Variants in MYH2 observed in about 807,000 individuals in gnomAD.
The protein encoded by MYH2 is myosin heavy chain 2, also known as myosin-2.
A neutral mutation model predicts 228.1 loss-of-function variants in MYH2; 139 were observed. That is an observed-to-expected ratio of 0.61 (90% CI 0.53 to 0.70). The LOEUF (loss-of-function observed/expected upper bound fraction) is 0.70, where lower values mean the gene tolerates loss of function less well. Ranked by LOEUF, MYH2 falls within the 30% of genes least tolerant of loss-of-function variation. MYH2 has a pLI of 0.00. For missense variants in MYH2, 1,809 were observed against 2,357.5 expected (o/e 0.77, Z 4.82); for synonymous variants, 796 against 871.1 (o/e 0.91, Z 1.52).
rs1386088895 is a variant in MYH2 at position 10,538,828 on chromosome 17, T to C, written c.1416+377A>G. On this transcript the variant is annotated intron_variant, in intron 14 of 39. Transcript: ENST00000245503. ...GAAAAATATATTTCGTAATCAAATA[T>C]GAATTTTTATTTCATGATATCACAC... Among the ~76,000 whole-genome samples the C allele has an allele frequency of 3.9e-5, 6 of 152,286 alleles. No homozygotes were observed. The East Asian group carries it at 1.2e-3, about 29-fold the overall frequency.
chr17:10,547,781 A>G lies in MYH2; in HGVS notation c.140T>C (p.Phe47Ser). ...TCTGCTCTGGATGGTCCCTTTGACA[A>G]AGGATTCTTTGGGCTCCGCCACAAA... Reference protein sequence around the residue: ...SVFVAEPKESFVKGTIQSREG... With the variant: ...SVFVAEPKESSVKGTIQSREG... The change falls in exon 3 of 40, where the codon TTT becomes TCT. Residue 47 changes from phenylalanine (F) to serine (S), a missense_variant. Coordinates refer to ENST00000245503, the MANE Select transcript of MYH2 (RefSeq NM_017534.6). The G allele has an allele frequency of 6.2e-7, 1 of 1,614,148 alleles. No homozygotes were observed. Among genetic ancestry groups the G allele is most frequent in the East Asian group, 2.2e-5 (1 of 44,878 alleles).
rs1399019969 is a variant in MYH2, at chr17:10,537,399, C to T, written c.1731G>A (p.Glu577=). 1.2e-6 allele frequency: 2 copies of T among 1,614,056 alleles called. No homozygotes were observed. The highest frequency in any genetic ancestry group is 1.7e-6 in the Non-Finnish European group (2 of 1,180,044). The change falls in exon 16 of 40, where the codon GAG becomes GAA. Residue 577 remains glutamate, a synonymous_variant. Coordinates refer to ENST00000245503, the MANE Select transcript of MYH2 (RefSeq NM_017534.6). The surrounding 1 kb of genome is among the most constrained non-coding windows in gnomAD (Gnocchi z 4.0). The part of the protein sequence containing the change: ...QKPKVVKGKA[E]AHFALIHYAG... ...CATAGTGAATCAGAGCGAAGTGGGC[C>T]TCGGCCTTGCCTTTGACCACCTTGG...
chr17:10,548,077 G>A (rs1368404389), intron 2 of MYH2, 137 bp from the exon 3 acceptor site: 1 of 759,870 alleles, frequency 1.3e-6, no homozygotes, highest in Non-Finnish European at 2.2e-6. Context: ...TATAGTTACT[G>A]AGACAAACAT....
At position 10,540,485 on chromosome 17, in the gene MYH2, T is replaced by C. The variant is rs1011263399; in HGVS notation, c.1008+109A>G. On this transcript the variant is annotated intron_variant, in intron 11 of 39. Transcript: ENST00000245503. ...TTTGACTCCAAGGGGCATGTCCATT[T>C]GCATCCTGGAATCTTCTTTTGCCAT... 1.0e-5 allele frequency: 10 copies of C among 969,880 alleles called. No individual in the cohort carries two copies. The African/African-American group carries it at 1.3e-4, about 13-fold the overall frequency. 60.1% of individuals were successfully genotyped at this position (969,880 alleles called of 1,614,324 possible). A position where few individuals can be genotyped will look rare whatever the true frequency, so the allele number is the denominator to read the frequency against.
At chr17:10,536,476 T>G (rs2073483062) in intron 17 of MYH2, 54 bp downstream of exon 17, 1 of 1,469,744 alleles carries the variant, frequency 6.8e-7, no homozygotes, top group Non-Finnish European at 9.5e-7. Flanking sequence ...AACAGACCCA[T>G]GTAAAAAAAA....
chr17:10,524,690 G>A lies in MYH2; in HGVS notation c.4972-21C>T. On this transcript the variant is annotated intron_variant, in intron 34 of 39. Coordinates refer to ENST00000245503, the MANE Select transcript of MYH2 (RefSeq NM_017534.6). The surrounding 1 kb of genome is among the most constrained non-coding windows in gnomAD (Gnocchi z 4.7). ...GTATCCTGTGAAACAAACCATCATT[G>A]AGACATCATGTTCTCAGGGTTGCAG... 1 of 1,614,184 alleles carries A rather than the reference G, an allele frequency of 6.2e-7. No homozygotes were observed. The highest frequency in any genetic ancestry group is 8.5e-7 in the Non-Finnish European group (1 of 1,180,040).
At chr17:10,531,932 A>G (rs2073429670) in intron 21 of MYH2, 44 bp from the exon 22 acceptor site, 13 of 1,610,636 alleles carry the variant, frequency 8.1e-6, no homozygotes, top group African/African-American at 2.7e-5. Flanking sequence ...GGTTGATGCA[A>G]TGGGATGAAA....
intron 22 of MYH2, 75 bp downstream of exon 22, chr17:10,531,558 C>A: frequency 6.2e-7 from 1 of 1,601,286 alleles, no homozygotes; most frequent in Non-Finnish European, 8.6e-7. Context: ...AATTACCCAA[C>A]TCATGGCCCA....
intron 10 of MYH2, among the ~76,000 whole-genome samples, chr17:10,541,231 A>G (rs963509588): frequency 6.6e-6 from 1 of 152,244 alleles, no homozygotes; most frequent in Non-Finnish European, 1.5e-5. Context: ...GAACACAGCC[A>G]TATTTCTCTT....
chr17:10,524,528 T>C lies in MYH2; in HGVS notation c.5113A>G (p.Arg1705Gly), dbSNP rs141243548. Reference protein sequence around the residue: ...RATLEQTERSRKIAEQELLDA... With the variant: ...RATLEQTERSGKIAEQELLDA... ...AGGAGCTCCTGTTCTGCGATTTTTC[T>C]GCTCCTCTCTGTCTGTTCCAGAGTG... is the stretch of plus-strand genomic sequence containing the variant. The change falls in exon 35 of 40, where the codon AGA becomes GGA. Residue 1705 changes from arginine to glycine, a missense_variant. Arg to Gly is a moderately radical substitution (Grantham distance 125). Transcript: ENST00000245503. This position sits in a 1 kb window ranked among gnomAD's most constrained non-coding sequence, Gnocchi z 4.7. 1.6e-5 allele frequency: 26 copies of C among 1,614,120 alleles called. No individual in the cohort carries two copies. In the African/African-American group the frequency reaches 2.9e-4, roughly 18 times the overall value.
chr17:10,548,810 C>G (rs939401535), intron 2 of MYH2, among the ~76,000 whole-genome samples: 4 of 152,168 alleles, frequency 2.6e-5, no homozygotes, highest in Non-Finnish European at 4.4e-5. Context: ...GCAAATAATT[C>G]TACCGCAGTC....
chr17:10,541,368 A>C (rs1375463454), intron 10 of MYH2, among the ~76,000 whole-genome samples: 1 of 152,144 alleles, frequency 6.6e-6, no homozygotes, highest in Admixed American at 6.5e-5. Flanking sequence ...TGTCTTTTAC[A>C]GTTGTAGATA....
Position 10,532,015 on chromosome 17 carries a change from T to A in MYH2, c.2442-127A>T, listed in dbSNP as rs76967377. The A allele has an allele frequency of 4.0e-5, 36 of 900,994 alleles. 1 individual carries two copies. In the South Asian group the frequency reaches 4.3e-4, roughly 11 times the overall value. 55.8% of individuals were successfully genotyped at this position (900,994 alleles called of 1,614,324 possible). A position where few individuals can be genotyped will look rare whatever the true frequency, so the allele number is the denominator to read the frequency against. ...GCTTTCAAACATGCAGATGAAAAAA[T>A]TCTATTTCGGGATGATGGTCAAGGT... On this transcript the variant is annotated intron_variant, in intron 21 of 39. Transcript: ENST00000245503.
chr17:10,531,108 A>G (rs1242362774), intron 22 of MYH2, among the ~76,000 whole-genome samples: 1 of 152,334 alleles, frequency 6.6e-6, no homozygotes, highest in East Asian at 1.9e-4. Flanking sequence ...TGGGTGTGAC[A>G]TGATGGGACA....
intron 39 of MYH2, among the ~76,000 whole-genome samples, chr17:10,521,653 A>G (rs1470834121): frequency 6.6e-6 from 1 of 151,952 alleles, no homozygotes; most frequent in Non-Finnish European, 1.5e-5. Flanking sequence ...GGCAACCAAA[A>G]CACATAAAAT....
intron 27 of MYH2, among the ~76,000 whole-genome samples, chr17:10,528,240 T>C (rs1455707194): frequency 6.6e-6 from 1 of 152,116 alleles, no homozygotes; most frequent in African/African-American, 2.4e-5. Context: ...AAGCTAATCA[T>C]GGAGCTCTGT....
intron 28 of MYH2, among the ~76,000 whole-genome samples, chr17:10,527,514 G>T (rs150089680): frequency 1.2e-4 from 19 of 152,272 alleles, no homozygotes; most frequent in Non-Finnish European, 2.4e-4. Flanking sequence ...CAGCATCCTC[G>T]CAATGAGCAA....
In MYH2 at chr17:10,533,573, G is replaced by A. The variant is rs900541112; in HGVS notation, c.2240C>T (p.Ala747Val). 1.9e-6 allele frequency: 3 copies of A among 1,614,064 alleles called. No individual in the cohort carries two copies. In the Admixed American group the frequency reaches 5.0e-5, roughly 27 times the overall value. ...PEGQFIDSKK[A>V]SEKLLASIDI... ...GATGGATGCAAGGAGCTTCTCAGAGGCCTTCTTGCTATCAATGAATTGCCC... is the reference window on the plus strand; with the variant it reads ...GATGGATGCAAGGAGCTTCTCAGAGACCTTCTTGCTATCAATGAATTGCCC... The change falls in exon 20 of 40, where the codon GCC (alanine) becomes GTC (valine). Residue 747 changes from alanine (A) to valine (V), a missense_variant. By Grantham distance (64) the Ala-to-Val change is moderately conservative. This residue lies in a region of MYH2 where 276 missense variants were observed against 344.2 expected (regional missense o/e 0.80). Transcript: ENST00000245503.
At position 10,524,001 on chromosome 17, in the gene MYH2, T is replaced by A; in HGVS notation, c.5176-117A>T. 1.1e-6 allele frequency: 1 copy of A among 908,854 alleles called. No individual in the cohort carries two copies. The highest frequency in any genetic ancestry group is 1.7e-6 in the Non-Finnish European group (1 of 604,614). 56.3% of individuals were successfully genotyped at this position (908,854 alleles called of 1,614,324 possible). ...CAAGTCAAAAAATGCCTTTTAATAT[T>A]AAAGAATTAAAGGATTGTGTTATGT... is the stretch of plus-strand genomic sequence containing the variant. On this transcript the variant is annotated intron_variant, in intron 35 of 39. Coordinates refer to ENST00000245503, the MANE Select transcript of MYH2 (RefSeq NM_017534.6). The surrounding 1 kb of genome is among the most constrained non-coding windows in gnomAD (Gnocchi z 4.7).
Sources: allele counts gnomAD v4.1 joint callset (sites outside exome capture counted in the v4.1 genomes callset), GRCh38; gene constraint gnomAD v4.1.1; regional missense constraint gnomAD v4.1.1; non-coding constraint Gnocchi (gnomAD v3.1); transcripts MANE v1.5; gene names NCBI Gene and HGNC (gene_info 2026-07-23, HGNC 2026-07-21).